VPS41: variants seen among roughly 807,000 people sequenced by gnomAD.
The protein encoded by VPS41 is VPS41 subunit of HOPS complex.
A neutral mutation model predicts 130.9 loss-of-function variants in VPS41; 85 were observed. The observed-to-expected ratio is 0.65, with a 90% confidence interval of 0.55 to 0.78. The LOEUF (loss-of-function observed/expected upper bound fraction) is 0.78. Among genes scored for constraint, VPS41 ranks in the 30% least tolerant of loss-of-function variants. VPS41 has a pLI of 0.00. For missense variants in VPS41, 874 were observed against 1,018.7 expected (o/e 0.86, Z 1.93); for synonymous variants, 335 against 332.9 (o/e 1.01, Z -0.07).
intron 2 of VPS41, among the ~76,000 whole-genome samples, chr7:38,870,426 C>G (rs905871502): frequency 1.3e-5 from 2 of 152,094 alleles, no homozygotes; most frequent in Non-Finnish European, 2.9e-5. Flanking sequence ...AACCCCTGGT[C>G]CCCAGAGGAC....
intron 4 of VPS41, among the ~76,000 whole-genome samples, chr7:38,846,533 C>T (rs368386608): frequency 2.0e-5 from 3 of 152,078 alleles, no homozygotes; most frequent in Admixed American, 6.6e-5. Flanking sequence ...ACCACTGTTA[C>T]GACAGAAAGC....
In VPS41 at chr7:38,728,401, T is replaced by C. The variant is rs1365610676; in HGVS notation, c.2404+141A>G. On this transcript the variant is annotated intron_variant, in intron 27 of 28. Coordinates refer to ENST00000310301, the MANE Select transcript of VPS41 (RefSeq NM_014396.4). ...AGCACCAGCATTCCACTGAGCAGGA[T>C]GGAAGCCACAACACTTCTCTCCACT... is the stretch of plus-strand genomic sequence containing the variant. The C allele has an allele frequency of 4.3e-6, 4 of 933,506 alleles. 1 individual carries two copies. In the South Asian group the frequency reaches 5.4e-5, roughly 13 times the overall value. 57.8% of individuals were successfully genotyped at this position (933,506 alleles called of 1,614,324 possible). A position where few individuals can be genotyped will look rare whatever the true frequency, so the allele number is the denominator to read the frequency against.
intron 19 of VPS41, among the ~76,000 whole-genome samples, chr7:38,755,301 T>C (rs1584376872): frequency 6.6e-6 from 1 of 152,328 alleles, no homozygotes; most frequent in Admixed American, 6.5e-5. Context: ...TTTACCAGTA[T>C]ATCAAGAAAA....
At chr7:38,758,059 G>GT (rs1269734009) in intron 18 of VPS41, among the ~76,000 whole-genome samples, 3 of 152,144 alleles carry the variant, frequency 2.0e-5, no homozygotes, top group African/African-American at 7.2e-5. Context: ...TTGGGAAACT[G>GT]TTATGCTTGA....
intron 25 of VPS41, among the ~76,000 whole-genome samples, chr7:38,739,614 G>A (rs1208643127): frequency 6.6e-6 from 1 of 152,144 alleles, no homozygotes; most frequent in Non-Finnish European, 1.5e-5. Context: ...TGAACCACCT[G>A]CCCCCGGAGA....
intron 11 of VPS41, among the ~76,000 whole-genome samples, chr7:38,774,818 T>C (rs1784227148): frequency 1.3e-5 from 2 of 152,132 alleles, no homozygotes; most frequent in Non-Finnish European, 2.9e-5. Context: ...GGATCTCCAG[T>C]GCCCAGCACA....
intron 12 of VPS41, among the ~76,000 whole-genome samples, chr7:38,773,817 AT>A (rs1784200957): frequency 6.6e-6 from 1 of 152,182 alleles, no homozygotes; most frequent in South Asian, 2.1e-4. Context: ...TTGACATTAA[AT>A]TATGTGTCAC....
chr7:38,753,575 T>C (rs1783726833), intron 21 of VPS41, among the ~76,000 whole-genome samples: 1 of 152,104 alleles, frequency 6.6e-6, no homozygotes, highest in South Asian at 2.1e-4. Context: ...AACAAGACAT[T>C]GCCTGGCAGG....
chr7:38,909,039 T>C, intron 1 of VPS41, 115 bp downstream of exon 1: 2 of 867,322 alleles, frequency 2.3e-6, no homozygotes, highest in South Asian at 1.4e-5. Flanking sequence ...GCCGCGGACC[T>C]GCCTTGCGCT....
rs1242945748 is a variant in VPS41 at position 38,758,358 on chromosome 7, C to T, written c.1546G>A (p.Glu516Lys). ...GAAACACTTAAGTATACTCACAATTCTGCCAGGGTTTTAAGTAAAGTCTTG... is the reference window on the plus strand; with the variant it reads ...GAAACACTTAAGTATACTCACAATTTTGCCAGGGTTTTAAGTAAAGTCTTG... ...QNKTLLKTLAELYTYDKNYGN... is the reference protein window; with the variant it reads ...QNKTLLKTLAKLYTYDKNYGN... The change falls in exon 18 of 29, where the codon GAA becomes AAA. Residue 516 changes from glutamate to lysine, a missense_variant. Physicochemically the swap from Glu to Lys is moderately conservative, Grantham distance 56. Coordinates refer to ENST00000310301, the MANE Select transcript of VPS41 (RefSeq NM_014396.4). 5 of 1,607,358 alleles carry T rather than the reference C, an allele frequency of 3.1e-6. No homozygotes were observed. Among genetic ancestry groups the T allele is most frequent in the South Asian group, 2.2e-5 (2 of 89,032 alleles).
intron 22 of VPS41, among the ~76,000 whole-genome samples, chr7:38,749,857 T>C (rs1343618883): frequency 6.6e-6 from 1 of 152,182 alleles, no homozygotes; most frequent in Non-Finnish European, 1.5e-5. Context: ...CAGAATTCTT[T>C]CTTATTATTC....
At chr7:38,748,973 G>A (rs1796041412) in intron 22 of VPS41, among the ~76,000 whole-genome samples, 1 of 152,016 alleles carries the variant, frequency 6.6e-6, no homozygotes, top group African/African-American at 2.4e-5. Context: ...CAATATACAT[G>A]AAGGCACAAC....
At chr7:38,762,694 T>C (rs1004531951) in intron 17 of VPS41, among the ~76,000 whole-genome samples, 3 of 152,166 alleles carry the variant, frequency 2.0e-5, no homozygotes, top group African/African-American at 4.8e-5. Context: ...TGACTGATAA[T>C]GTGACAATTT....
At chr7:38,755,012 C>T in intron 19 of VPS41, 76 bp from the exon 20 acceptor site, 1 of 1,378,356 alleles carries the variant, frequency 7.3e-7, no homozygotes, top group Non-Finnish European at 1.0e-6. Context: ...ATGCAGTGTA[C>T]CTACCACAGT....
At chr7:38,785,291 C>G (rs953394809) in intron 10 of VPS41, among the ~76,000 whole-genome samples, 1 of 152,214 alleles carries the variant, frequency 6.6e-6, no homozygotes, top group Non-Finnish European at 1.5e-5. Context: ...GTAAAACTGA[C>G]TTCACAATGC....
At chr7:38,853,153 C>T (rs533195203) in intron 4 of VPS41, among the ~76,000 whole-genome samples, 46 of 152,300 alleles carry the variant, frequency 3.0e-4, no homozygotes, top group Admixed American at 9.8e-4. Context: ...GGTGCGGTGG[C>T]TCACGCCTGT....
chr7:38,755,204 T>C (rs1022776867), intron 19 of VPS41, among the ~76,000 whole-genome samples: 2 of 145,608 alleles, frequency 1.4e-5, no homozygotes, highest in African/African-American at 5.2e-5. Context: ...ACATCTTGAC[T>C]GCCCATATCC....
At chr7:38,872,364 T>G (rs2116349672) in intron 2 of VPS41, among the ~76,000 whole-genome samples, 1 of 152,310 alleles carries the variant, frequency 6.6e-6, no homozygotes, top group South Asian at 2.1e-4. Context: ...TACAATATCC[T>G]TTCAGTCATA....
At chr7:38,762,174 T>G (rs950475760) in intron 17 of VPS41, among the ~76,000 whole-genome samples, 2 of 152,200 alleles carry the variant, frequency 1.3e-5, no homozygotes, top group African/African-American at 4.8e-5. Context: ...TCTGTTCAAC[T>G]GGCTTTGTGT....
Sources: allele counts gnomAD v4.1 joint callset (sites outside exome capture counted in the v4.1 genomes callset), GRCh38; gene constraint gnomAD v4.1.1; transcripts MANE v1.5; gene names NCBI Gene and HGNC (gene_info 2026-07-23, HGNC 2026-07-21).